The following CDS2 variants were observed in gnomAD, a reference collection of about 807,000 sequenced individuals.
CDS2 encodes phosphatidate cytidylyltransferase 2.
CDS2 carries 47 observed loss-of-function variants against 59.0 expected under a neutral mutation model. That is an observed-to-expected ratio of 0.80 (90% confidence interval 0.63 to 1.02). CDS2 has a LOEUF of 1.02. CDS2 is among the 50% of genes least tolerant of loss of function. The pLI is 0.00. For missense variants in CDS2, 356 were observed against 558.9 expected (o/e 0.64, Z 3.66); for synonymous variants, 207 against 206.4 (o/e 1.00, Z -0.02).
chr20:5,165,173 C>T (rs1276740507), intron 1 of CDS2, among the ~76,000 whole-genome samples: 1 of 152,196 alleles, frequency 6.6e-6, no homozygotes, highest in Non-Finnish European at 1.5e-5. Flanking sequence ...AGGATTTCCT[C>T]ATCCTTTCTG....
intron 1 of CDS2, among the ~76,000 whole-genome samples, chr20:5,172,741 C>T (rs1013854497): frequency 6.6e-6 from 1 of 152,216 alleles, no homozygotes; most frequent in Non-Finnish European, 1.5e-5. Context: ...TTACTTTCTC[C>T]TCCACCTCTT....
At chr20:5,161,473 A>G (rs1347235772) in intron 1 of CDS2, among the ~76,000 whole-genome samples, 2 of 152,226 alleles carry the variant, frequency 1.3e-5, no homozygotes, top group Non-Finnish European at 2.9e-5. Context: ...GATTGATCCA[A>G]GCCCAGCAGA....
intron 1 of CDS2, among the ~76,000 whole-genome samples, chr20:5,153,211 T>C (rs142974155): frequency 2.0e-5 from 3 of 152,336 alleles, no homozygotes; most frequent in African/African-American, 7.2e-5. Flanking sequence ...GTTTGTGATA[T>C]ATTCGGAAGT....
intron 1 of CDS2, among the ~76,000 whole-genome samples, chr20:5,165,551 GT>G (rs66787683): frequency 0.44 from 67,065 of 151,792 alleles, 15,113 homozygotes; most frequent in South Asian, 0.6. Context: ...GTCTTTTTTT[GT>G]TTTTTTGTTT....
intron 4 of CDS2, among the ~76,000 whole-genome samples, chr20:5,177,837 A>T (rs1444873018): frequency 6.6e-6 from 1 of 152,174 alleles, no homozygotes. Flanking sequence ...CTTAAGATGC[A>T]GGTCCCTTTT....
At chr20:5,138,278 A>G (rs2122962763) in intron 1 of CDS2, among the ~76,000 whole-genome samples, 1 of 151,978 alleles carries the variant, frequency 6.6e-6, no homozygotes, top group South Asian at 2.1e-4. Flanking sequence ...ATGGAGAGAG[A>G]TAGGATAGGG....
At chr20:5,163,146 C>A (rs1183768384) in intron 1 of CDS2, among the ~76,000 whole-genome samples, 2 of 152,200 alleles carry the variant, frequency 1.3e-5, no homozygotes, top group African/African-American at 4.8e-5. Context: ...AAGTTCGAGA[C>A]CAGCCTGGGC....
Position 5,190,191 on chromosome 20 carries a change from TGATC to T in CDS2, c.1298_1301del (p.Ile433ThrfsTer5). 4 of 1,614,074 alleles carry T rather than the reference TGATC, an allele frequency of 2.5e-6. No homozygotes were observed. The highest frequency in any genetic ancestry group is 3.4e-6 in the Non-Finnish European group (4 of 1,179,962). On this transcript the variant is annotated frameshift_variant, in exon 13 of 13. Coordinates refer to ENST00000460006, the MANE Select transcript of CDS2 (RefSeq NM_003818.4). LOFTEE classifies it high-confidence loss of function. ...ATCTTCAACACGCTGCGGTCTCATCTGATCGACAAAGGGATGCTGACATCCACCA... is the reference window on the plus strand; with the variant it reads ...ATCTTCAACACGCTGCGGTCTCATCTGACAAAGGGATGCTGACATCCACCA...
intron 1 of CDS2, among the ~76,000 whole-genome samples, chr20:5,137,691 G>C (rs1365487975): frequency 6.6e-6 from 1 of 151,822 alleles, no homozygotes; most frequent in African/African-American, 2.4e-5. Flanking sequence ...GTGCACGCCT[G>C]TAGTCCCAGC....
chr20:5,149,429 A>G (rs1435129442), intron 1 of CDS2, among the ~76,000 whole-genome samples: 1 of 152,072 alleles, frequency 6.6e-6, no homozygotes, highest in Non-Finnish European at 1.5e-5. Context: ...TCAATTTGTC[A>G]TTTTTAGTGT....
chr20:5,166,578 C>T (rs141697469), intron 1 of CDS2, among the ~76,000 whole-genome samples: 61 of 152,132 alleles, frequency 4.0e-4, no homozygotes, highest in African/African-American at 1.4e-3. Flanking sequence ...CCCTCAAATG[C>T]GGGGACAGGC....
chr20:5,133,664 A>G (rs1248044058), intron 1 of CDS2, among the ~76,000 whole-genome samples: 2 of 152,102 alleles, frequency 1.3e-5, no homozygotes, highest in East Asian at 3.8e-4. Context: ...AGTAACTGGG[A>G]TTACGGGCAT....
chr20:5,148,852 T>C (rs542213604), intron 1 of CDS2, among the ~76,000 whole-genome samples: 1 of 152,264 alleles, frequency 6.6e-6, no homozygotes, highest in African/African-American at 2.4e-5. Flanking sequence ...ATCTCCTGTC[T>C]GTTCCACAGA....
At position 5,191,447 on chromosome 20, in the gene CDS2, ATTGACT is replaced by A. The variant is rs1398543281; in HGVS notation, c.*1217_*1222del. 3.9e-5 allele frequency: 6 copies of A among 151,978 alleles called. No individual in the cohort carries two copies. Among genetic ancestry groups the A allele is most frequent in the Non-Finnish European group, 7.4e-5 (5 of 68,006 alleles). 9.4% of individuals were successfully genotyped at this position (151,978 alleles called of 1,614,324 possible). A position where few individuals can be genotyped will look rare whatever the true frequency, so the allele number is the denominator to read the frequency against. ...TCCCCTCCCTAATTTCAGGGGTGAGATTGACTTTGGGAAGACAGATTAGTTCTTTGT... is the reference window on the plus strand; with the variant it reads ...TCCCCTCCCTAATTTCAGGGGTGAGATTGGGAAGACAGATTAGTTCTTTGT... On this transcript the variant is annotated 3_prime_UTR_variant, in exon 13 of 13. Transcript: ENST00000460006.
intron 1 of CDS2, among the ~76,000 whole-genome samples, chr20:5,127,769 G>A (rs1490250509): frequency 6.6e-6 from 1 of 152,000 alleles, no homozygotes; most frequent in Admixed American, 6.6e-5. Flanking sequence ...GGGGAGGAGA[G>A]TAGGAAGGAG....
At chr20:5,168,173 G>T (rs564766945) in intron 1 of CDS2, among the ~76,000 whole-genome samples, 1 of 152,178 alleles carries the variant, frequency 6.6e-6, no homozygotes, top group South Asian at 2.1e-4. Flanking sequence ...CCAGCACTTT[G>T]GGAGGCCGAG....
intron 3 of CDS2, chr20:5,176,383 CCT>C: frequency 2.7e-6 from 1 of 367,784 alleles, no homozygotes; most frequent in Non-Finnish European, 5.1e-6. Context: ...ACGGTGAAAC[CCT>C]GTCTTAAAAA....
rs1016695825 is a variant in CDS2 at position 5,193,242 on chromosome 20, C to T, written c.*3008C>T. 6.6e-6 allele frequency: 1 copy of T among 152,194 alleles called. No homozygotes were observed. Among genetic ancestry groups the T allele is most frequent in the African/African-American group, 2.4e-5 (1 of 41,436 alleles). The allele number at this position is 152,194 out of a possible 1,614,324, so 9.4% of individuals were successfully genotyped here. A position where few individuals can be genotyped will look rare whatever the true frequency, so the allele number is the denominator to read the frequency against. Reference sequence around the variant, plus strand: ...ATGTTTTACTCCTGAAAGTGAAACCCTCTTAGGCAACTTGTTTCATATTCT... The same window carrying T: ...ATGTTTTACTCCTGAAAGTGAAACCTTCTTAGGCAACTTGTTTCATATTCT... On this transcript the variant is annotated 3_prime_UTR_variant, in exon 13 of 13. Coordinates refer to ENST00000460006, the MANE Select transcript of CDS2 (RefSeq NM_003818.4).
Position 5,173,563 on chromosome 20 carries a change from C to T in CDS2, c.98C>T (p.Ser33Leu), listed in dbSNP as rs756272857. 3.0e-5 allele frequency: 49 copies of T among 1,614,220 alleles called. No homozygotes were observed. The highest frequency in any genetic ancestry group is 1.6e-4 in the Middle Eastern group (1 of 6,062). The change falls in exon 2 of 13, where the codon TCG becomes TTG. Residue 33 changes from serine (S) to leucine (L), a missense_variant. Ser to Leu is a moderately radical substitution (Grantham distance 145, BLOSUM62 -2). Coordinates refer to ENST00000460006, the MANE Select transcript of CDS2 (RefSeq NM_003818.4). ...SEAKVDGETA[S>L]DSESRAESAP... ...GCAAAGGTAGATGGAGAGACTGCATCGGACAGTGAGAGCCGGGCAGAATCC... is the reference window on the plus strand; with the variant it reads ...GCAAAGGTAGATGGAGAGACTGCATTGGACAGTGAGAGCCGGGCAGAATCC...
Sources: gnomAD v4.1 joint callset for allele counts (sites outside exome capture counted in the v4.1 genomes callset) on GRCh38, gnomAD v4.1.1 for gene constraint, MANE v1.5 for transcripts, NCBI Gene and HGNC (gene_info 2026-07-23, HGNC 2026-07-21) for gene names.